The following PCDHGB6 variants were observed in gnomAD, a reference collection of about 807,000 sequenced individuals.
The protein encoded by PCDHGB6 is protocadherin gamma-B6.
PCDHGB6 carries 51 observed loss-of-function variants against 59.1 expected under a neutral mutation model. That is an observed-to-expected ratio of 0.86 (90% confidence interval 0.69 to 1.09). PCDHGB6 has a LOEUF of 1.09. PCDHGB6 is among the 50% of genes least tolerant of loss of function. The pLI, the probability that PCDHGB6 is intolerant of heterozygous loss-of-function variation, is 0.00. For missense variants in PCDHGB6, 1,148 were observed against 1,205.1 expected, an observed-to-expected ratio of 0.95 and a Z score of 0.70; for synonymous variants, 466 against 495.1, an observed-to-expected ratio of 0.94 and a Z score of 0.78.
At position 141,425,713 on chromosome 5, in the gene PCDHGB6, C is replaced by T. The variant is rs191037499; in HGVS notation, c.2418+15093C>T. 3.9e-4 allele frequency among the ~76,000 whole-genome samples: 60 copies of T among 152,312 alleles called. No homozygotes were observed. In the East Asian group the frequency reaches 6.7e-3, roughly 17 times the overall value. On this transcript the variant is annotated intron_variant, in intron 1 of 3. Transcript: ENST00000520790. ...CATTTCATAGTGGTCAAAATTTTCC[C>T]ATACCACTTGATGGGGATGTTTTCC...
chr5:141,414,725 T>C (rs1303775655), intron 1 of PCDHGB6: 8 of 1,613,970 alleles, frequency 5.0e-6, no homozygotes, highest in African/African-American at 1.3e-5. Flanking sequence ...GACACTGGCG[T>C]CCTGTATGCA....
At chr5:141,454,871 G>A (rs1337911223) in intron 1 of PCDHGB6, among the ~76,000 whole-genome samples, 2 of 129,030 alleles carry the variant, frequency 1.6e-5, no homozygotes, top group Non-Finnish European at 3.1e-5. Context: ...GCAGTGGCAC[G>A]ATCTTGGCTC....
intron 1 of PCDHGB6, among the ~76,000 whole-genome samples, chr5:141,450,815 A>ATTATTAT (rs1554136868): frequency 7.9e-6 from 1 of 126,684 alleles, no homozygotes; most frequent in African/African-American, 3.3e-5. Context: ...TATTTATTTA[A>ATTATTAT]TATTATTATT....
At chr5:141,415,754 T>C in intron 1 of PCDHGB6, 3 of 1,385,738 alleles carry the variant, frequency 2.2e-6, no homozygotes, top group South Asian at 1.7e-5. Context: ...TTTTTTTTTT[T>C]TTTTTTTTTT....
At chr5:141,422,458 C>T (rs375149811) in intron 1 of PCDHGB6, 264 of 1,613,148 alleles carry the variant, frequency 1.6e-4, no homozygotes, top group Non-Finnish European at 2.1e-4. Context: ...AAGCAGAGTG[C>T]TGGACAGGGA....
chr5:141,470,969 A>T (rs62379203), intron 1 of PCDHGB6, among the ~76,000 whole-genome samples: 1 of 151,298 alleles, frequency 6.6e-6, no homozygotes, highest in Non-Finnish European at 1.5e-5. Flanking sequence ...CTCCCACCTC[A>T]GCCTCCCAAA....
Position 141,432,058 on chromosome 5 carries a change from C to T in PCDHGB6, c.2418+21438C>T, listed in dbSNP as rs2097444209. On this transcript the variant is annotated intron_variant, in intron 1 of 3. Coordinates refer to ENST00000520790, the MANE Select transcript of PCDHGB6 (RefSeq NM_018926.3). The surrounding 1 kb of genome is among the most constrained non-coding windows in gnomAD (Gnocchi z 6.0). ...CTGACCGGGGAACCCCGCCCCTATC[C>T]ACGGAAACTCATATCTCGCTGAACG... 1 of 1,614,210 alleles carries T rather than the reference C, an allele frequency of 6.2e-7. No individual in the cohort carries two copies.
In PCDHGB6 at chr5:141,490,175, A is replaced by C; in HGVS notation, c.2419-4632A>C. The C allele has an allele frequency of 1.9e-6, 3 of 1,614,194 alleles. No homozygotes were observed. Among genetic ancestry groups the C allele is most frequent in the East Asian group, 4.5e-5 (2 of 44,884 alleles). On this transcript the variant is annotated intron_variant, in intron 1 of 3. Coordinates refer to ENST00000520790, the MANE Select transcript of PCDHGB6 (RefSeq NM_018926.3). This position sits in a 1 kb window ranked among gnomAD's most constrained non-coding sequence, Gnocchi z 5.4. ...GTGTTGGGTCCCATAGACTTTGAGG[A>C]GTCACGTTTCTATGAAATTCATGCA...
At position 141,487,763 on chromosome 5, in the gene PCDHGB6, G is replaced by A; in HGVS notation, c.2419-7044G>A. ...AAGAGGTAACTATGTGGTAGACGCT[G>A]TGCTTTGTAACTGTTTCGTGAATTA... On this transcript the variant is annotated intron_variant, in intron 1 of 3. Coordinates refer to ENST00000520790, the MANE Select transcript of PCDHGB6 (RefSeq NM_018926.3). This position sits in a 1 kb window ranked among gnomAD's most constrained non-coding sequence, Gnocchi z 5.0. 6.5e-7 allele frequency: 1 copy of A among 1,544,968 alleles called. No homozygotes were observed. The highest frequency in any genetic ancestry group is 1.2e-5 in the South Asian group (1 of 83,382).
intron 2 of PCDHGB6, among the ~76,000 whole-genome samples, chr5:141,500,184 T>TTTTTTTTA (rs1554186429): frequency 7.8e-4 from 106 of 135,966 alleles, no homozygotes; most frequent in African/African-American, 2.4e-3. Context: ...TCATTTTTAT[T>TTTTTTTTA]TTTATTTATT....
chr5:141,495,010 G>A (rs1327870362), intron 2 of PCDHGB6, 145 bp downstream of exon 2: 6 of 1,516,970 alleles, frequency 4.0e-6, no homozygotes, highest in Non-Finnish European at 5.3e-6. Context: ...GTGTGCGGGG[G>A]GCTGGCACAC....
At chr5:141,452,831 G>A (rs1184490491) in intron 1 of PCDHGB6, among the ~76,000 whole-genome samples, 1 of 152,104 alleles carries the variant, frequency 6.6e-6, no homozygotes, top group Non-Finnish European at 1.5e-5. Flanking sequence ...AAAATCACTT[G>A]GTCCAGCCCA....
At position 141,485,142 on chromosome 5, in the gene PCDHGB6, A is replaced by C. The variant is rs979255582; in HGVS notation, c.2419-9665A>C. 5 of 1,554,566 alleles carry C rather than the reference A, an allele frequency of 3.2e-6. No homozygotes were observed. The highest frequency in any genetic ancestry group is 3.5e-6 in the Non-Finnish European group (4 of 1,131,592). On this transcript the variant is annotated intron_variant, in intron 1 of 3. Transcript: ENST00000520790. The surrounding 1 kb of genome is among the most constrained non-coding windows in gnomAD (Gnocchi z 5.7). ...GGCGGGTCGGCTTCATCCGCGTCTC[A>C]GGAGCAAGTAGAGAATTAGCGGGCG... is the stretch of plus-strand genomic sequence containing the variant.
chr5:141,419,370 A>T, intron 1 of PCDHGB6: 1 of 1,613,692 alleles, frequency 6.2e-7, no homozygotes, highest in Non-Finnish European at 8.5e-7. Context: ...CTGTCGTCCT[A>T]CGTGTCCGTG....
At position 141,409,469 on chromosome 5, in the gene PCDHGB6, G is replaced by A. The variant is rs1477896340; in HGVS notation, c.1267G>A (p.Val423Ile). The change falls in exon 1 of 4, where the codon GTA becomes ATA. Residue 423 changes from valine (V) to isoleucine (I), a missense_variant. This residue lies in a region of PCDHGB6 where 549 missense variants were observed against 527.5 expected (regional missense o/e 1.04). Coordinates refer to ENST00000520790, the MANE Select transcript of PCDHGB6 (RefSeq NM_018926.3). Reference protein sequence around the residue: ...EQTPEYNVTIVATDRGKPPLS... With the variant: ...EQTPEYNVTIIATDRGKPPLS... ...GACACCAGAATACAATGTCACCATC[G>A]TAGCCACTGACAGGGGCAAGCCGCC... 9 of 1,613,740 alleles carry A rather than the reference G, an allele frequency of 5.6e-6. No individual in the cohort carries two copies. The African/African-American group carries it at 1.1e-4, about 19-fold the overall frequency.
intron 1 of PCDHGB6, chr5:141,416,429 G>A (rs952059043): frequency 1.3e-5 from 2 of 152,144 alleles, no homozygotes; most frequent in African/African-American, 4.8e-5. Flanking sequence ...AGTGACTAAG[G>A]CTGAAAGTAA....
chr5:141,511,230 C>A lies in PCDHGB6; in HGVS notation c.*57C>A. On this transcript the variant is annotated 3_prime_UTR_variant, in exon 4 of 4. Transcript: ENST00000520790. ...CCTCTCCCCAACCAGCCCAGCTTCT[C>A]CTTACCTGCACCCAGGCCTCAGAGT... 6.3e-7 allele frequency: 1 copy of A among 1,597,914 alleles called. No homozygotes were observed. The highest frequency in any genetic ancestry group is 1.1e-5 in the South Asian group (1 of 89,144).
At chr5:141,502,056 C>A (rs1163976282) in intron 2 of PCDHGB6, among the ~76,000 whole-genome samples, 1 of 152,116 alleles carries the variant, frequency 6.6e-6, no homozygotes, top group Non-Finnish European at 1.5e-5. Context: ...CTACTTTATT[C>A]CCATTAGCCC....
intron 1 of PCDHGB6, chr5:141,423,750 TGGG>T: frequency 4.5e-5 from 13 of 287,436 alleles, no homozygotes; most frequent in South Asian, 1.7e-4. Flanking sequence ...GAAAACTGTT[TGGG>T]GGGGGGGTGG....
Sources: allele counts gnomAD v4.1 joint callset (sites outside exome capture counted in the v4.1 genomes callset), GRCh38; gene constraint gnomAD v4.1.1; regional missense constraint gnomAD v4.1.1; non-coding constraint Gnocchi (gnomAD v3.1); transcripts MANE v1.5; gene names NCBI Gene and HGNC (gene_info 2026-07-23, HGNC 2026-07-21).